LMBR1: variants seen among roughly 807,000 people sequenced by gnomAD.
The protein encoded by LMBR1 is limb development membrane protein 1, also known as limb region 1 protein homolog.
In LMBR1, 52 loss-of-function variants were observed where a neutral mutation model predicts 73.9. The observed-to-expected ratio is 0.70, with a 90% CI of 0.56 to 0.89. LMBR1 has a LOEUF of 0.89. LMBR1 is among the 40% of genes least tolerant of loss of function. The pLI, the probability that LMBR1 is intolerant of heterozygous loss-of-function variation, is 0.00. For synonymous variants in LMBR1, 215 were observed against 209.4 expected, an observed-to-expected ratio of 1.03 and a Z score of -0.23; for missense variants, 539 against 579.8, an observed-to-expected ratio of 0.93 and a Z score of 0.72.
At chr7:156,832,976 A>G (rs1836952901) in intron 3 of LMBR1, among the ~76,000 whole-genome samples, 1 of 152,220 alleles carries the variant, frequency 6.6e-6, no homozygotes, top group African/African-American at 2.4e-5. Flanking sequence ...GTTTGAATGG[A>G]GTGTGAGTGG....
intron 1 of LMBR1, among the ~76,000 whole-genome samples, chr7:156,889,553 T>C (rs1802533002): frequency 6.6e-6 from 1 of 152,170 alleles, no homozygotes; most frequent in South Asian, 2.1e-4. Context: ...GGTCACTGTC[T>C]GCGCTGGTTC....
At chr7:156,856,839 T>C (rs986147654) in intron 1 of LMBR1, among the ~76,000 whole-genome samples, 1 of 152,000 alleles carries the variant, frequency 6.6e-6, no homozygotes, top group Admixed American at 6.6e-5. Flanking sequence ...ATGTATTTGG[T>C]GATAACAGCC....
chr7:156,888,010 T>C (rs761402676), intron 1 of LMBR1, among the ~76,000 whole-genome samples: 6 of 152,032 alleles, frequency 3.9e-5, no homozygotes, highest in Non-Finnish European at 7.4e-5. Flanking sequence ...CAGAAAACAA[T>C]GTGTGTTGGT....
intron 15 of LMBR1, among the ~76,000 whole-genome samples, chr7:156,714,412 G>A (rs1021739888): frequency 4.6e-5 from 7 of 152,304 alleles, no homozygotes; most frequent in Middle Eastern, 6.8e-3. Context: ...AGTAAACAAA[G>A]CAATGTGTTC....
intron 4 of LMBR1, among the ~76,000 whole-genome samples, chr7:156,815,156 C>CAAAAAA (rs10674367): frequency 1.2e-5 from 1 of 84,322 alleles, no homozygotes; most frequent in Non-Finnish European, 2.3e-5. Flanking sequence ...AACTCCGTCT[C>CAAAAAA]AAAAAAAAAA....
intron 15 of LMBR1, among the ~76,000 whole-genome samples, chr7:156,709,430 A>C (rs1230014534): frequency 6.6e-6 from 1 of 152,182 alleles, no homozygotes; most frequent in Non-Finnish European, 1.5e-5. Context: ...ACATACCTAC[A>C]ACCAGGAACT....
chr7:156,841,834 G>A (rs1215691708), intron 1 of LMBR1, among the ~76,000 whole-genome samples: 1 of 151,928 alleles, frequency 6.6e-6, no homozygotes, highest in Admixed American at 6.6e-5. Flanking sequence ...ATTATAAAGA[G>A]GAGCAAAGAA....
chr7:156,732,175 CAATT>C (rs1231445935), intron 10 of LMBR1, among the ~76,000 whole-genome samples: 2 of 152,032 alleles, frequency 1.3e-5, no homozygotes, highest in Admixed American at 6.6e-5. Context: ...CAGCTTGAAA[CAATT>C]AAGAAACCAA....
At position 156,795,787 on chromosome 7, in the gene LMBR1, A is replaced by C. The variant is rs78624474; in HGVS notation, c.423+602T>G. 4.7e-3 allele frequency among the ~76,000 whole-genome samples: 720 copies of C among 152,270 alleles called. 4 individuals carry two copies. The highest frequency in any genetic ancestry group is 8.7e-3 in the Non-Finnish European group (592 of 68,014). The stretch of plus-strand genomic sequence containing the variant: ...AAACTGGTCTCGAAAAACTGGCCTC[A>C]AGCAACCCTCCTGCCGCAGCCTCCC... On this transcript the variant is annotated intron_variant, in intron 5 of 16. Coordinates refer to ENST00000353442, the MANE Select transcript of LMBR1 (RefSeq NM_022458.4).
intron 15 of LMBR1, among the ~76,000 whole-genome samples, chr7:156,707,020 C>A (rs1202315248): frequency 6.6e-6 from 1 of 151,310 alleles, no homozygotes; most frequent in Non-Finnish European, 1.5e-5. Flanking sequence ...AAAGAGACAA[C>A]ACAAAGAAAA....
chr7:156,849,788 T>A (rs1424511276), intron 1 of LMBR1, among the ~76,000 whole-genome samples: 1 of 152,086 alleles, frequency 6.6e-6, no homozygotes, highest in African/African-American at 2.4e-5. Flanking sequence ...TCCAAACCCA[T>A]GGAATGTACA....
chr7:156,737,264 G>C (rs1211984301), intron 9 of LMBR1, among the ~76,000 whole-genome samples: 1 of 152,130 alleles, frequency 6.6e-6, no homozygotes, highest in Non-Finnish European at 1.5e-5. Context: ...GAATTCTGAA[G>C]GCATTGCTTC....
intron 3 of LMBR1, among the ~76,000 whole-genome samples, chr7:156,831,850 C>T (rs1419803427): frequency 6.6e-6 from 1 of 152,198 alleles, no homozygotes; most frequent in African/African-American, 2.4e-5. Context: ...TTTACCACCA[C>T]AGGTGGCACA....
At chr7:156,768,556 C>T (rs77231075) in intron 5 of LMBR1, among the ~76,000 whole-genome samples, 6,142 of 152,118 alleles carry the variant, frequency 0.04, 401 homozygotes, top group African/African-American at 0.14. Flanking sequence ...GGTCAGAGAG[C>T]CCAGCCTCGA....
intron 5 of LMBR1, among the ~76,000 whole-genome samples, chr7:156,787,122 C>T (rs1053819498): frequency 3.3e-5 from 5 of 152,082 alleles, no homozygotes; most frequent in Admixed American, 6.5e-5. Context: ...GCAAGGTGTG[C>T]GCATGCTTTA....
intron 15 of LMBR1, among the ~76,000 whole-genome samples, chr7:156,720,081 C>A (rs1327202962): frequency 6.6e-6 from 1 of 151,606 alleles, no homozygotes; most frequent in Non-Finnish European, 1.5e-5. Flanking sequence ...AAAGCAATGG[C>A]AACAAAAGCC....
intron 15 of LMBR1, among the ~76,000 whole-genome samples, chr7:156,695,770 C>A (rs1186915736): frequency 2.6e-5 from 4 of 151,336 alleles, no homozygotes; most frequent in African/African-American, 7.3e-5. Context: ...TTTTTAAAAA[C>A]CTAAAGAACT....
At position 156,876,722 on chromosome 7, in the gene LMBR1, T is replaced by C. The variant is rs149725482; in HGVS notation, c.66+16206A>G. Among the ~76,000 whole-genome samples the C allele has an allele frequency of 1.2e-3, 176 of 152,286 alleles. 1 individual carries two copies. The highest frequency in any genetic ancestry group is 3.7e-3 in the African/African-American group (154 of 41,556). On this transcript the variant is annotated intron_variant, in intron 1 of 16. Coordinates refer to ENST00000353442, the MANE Select transcript of LMBR1 (RefSeq NM_022458.4). The stretch of plus-strand genomic sequence containing the variant: ...TAAATAACCTGCTCCTGAGTGATCA[T>C]TGGGTCAACAATGAAATCAAGATGG...
intron 4 of LMBR1, among the ~76,000 whole-genome samples, chr7:156,825,621 G>A (rs1255654212): frequency 1.3e-5 from 2 of 152,164 alleles, no homozygotes; most frequent in Non-Finnish European, 2.9e-5. Flanking sequence ...CATGTTCTAT[G>A]AGAGACAAGA....
Sources: allele counts gnomAD v4.1 joint callset (sites outside exome capture counted in the v4.1 genomes callset), GRCh38; gene constraint gnomAD v4.1.1; transcripts MANE v1.5; gene names NCBI Gene and HGNC (gene_info 2026-07-23, HGNC 2026-07-21).